ITGA9: variants seen among roughly 807,000 people sequenced by gnomAD.
The protein encoded by ITGA9 is integrin alpha-9.
ITGA9 carries 56 observed loss-of-function variants against 127.8 expected under a neutral mutation model. The observed-to-expected ratio is 0.44, with a 90% CI of 0.35 to 0.55. The LOEUF (loss-of-function observed/expected upper bound fraction) is 0.55. ITGA9 is among the 20% of genes least tolerant of loss of function. ITGA9 has a pLI of 0.00. For synonymous variants in ITGA9, 508 were observed against 514.5 expected (o/e 0.99, Z 0.17); for missense variants, 1,196 against 1,347.1 (o/e 0.89, Z 1.76).
At chr3:37,674,029 G>T (rs1351205503) in intron 17 of ITGA9, among the ~76,000 whole-genome samples, 1 of 152,174 alleles carries the variant, frequency 6.6e-6, no homozygotes. Flanking sequence ...TTTGTTTACA[G>T]ATTTCATGAA....
chr3:37,761,839 C>T (rs944334134), intron 23 of ITGA9, among the ~76,000 whole-genome samples: 2 of 152,188 alleles, frequency 1.3e-5, no homozygotes, highest in African/African-American at 4.8e-5. Flanking sequence ...AATGATAATT[C>T]ACCAGCACCA....
At chr3:37,633,722 C>T (rs751746250) in intron 16 of ITGA9, among the ~76,000 whole-genome samples, 1 of 152,162 alleles carries the variant, frequency 6.6e-6, no homozygotes, top group Non-Finnish European at 1.5e-5. Flanking sequence ...TATTAACACT[C>T]GTTGATGGCT....
At chr3:37,812,733 T>TA (rs145276262) in intron 27 of ITGA9, among the ~76,000 whole-genome samples, 3,664 of 152,384 alleles carry the variant, frequency 0.024, 98 homozygotes, top group South Asian at 0.082. Context: ...TCACCTCCTC[T>TA]AGGGTTTCTA....
chr3:37,797,765 G>T (rs982658142), intron 26 of ITGA9, among the ~76,000 whole-genome samples: 3 of 151,302 alleles, frequency 2.0e-5, no homozygotes, highest in African/African-American at 7.3e-5. Flanking sequence ...TCACTGTGTC[G>T]CTCAGGCTGG....
intron 15 of ITGA9, among the ~76,000 whole-genome samples, chr3:37,546,603 T>G (rs1699328948): frequency 6.6e-6 from 1 of 152,222 alleles, no homozygotes; most frequent in Non-Finnish European, 1.5e-5. Context: ...CACTGTCATC[T>G]TCCTGACTTC....
intron 17 of ITGA9, among the ~76,000 whole-genome samples, chr3:37,676,199 T>C (rs1477127372): frequency 6.6e-6 from 1 of 152,250 alleles, no homozygotes; most frequent in East Asian, 1.9e-4. Flanking sequence ...TTTAATGCAG[T>C]ATATCCCAAA....
At chr3:37,534,323 C>G (rs987039698) in intron 14 of ITGA9, among the ~76,000 whole-genome samples, 1 of 152,246 alleles carries the variant, frequency 6.6e-6, no homozygotes, top group East Asian at 1.9e-4. Flanking sequence ...TTTTGCTACT[C>G]ACAGTGTAGC....
At chr3:37,679,699 A>G (rs1700716981) in intron 17 of ITGA9, among the ~76,000 whole-genome samples, 1 of 152,328 alleles carries the variant, frequency 6.6e-6, no homozygotes, top group South Asian at 2.1e-4. Context: ...ACAATCAGGC[A>G]CGGGGTTTTT....
Position 37,732,765 on chromosome 3 carries a change from C to A in ITGA9, c.2121C>A (p.Ser707Arg). Residue 707 changes from serine (S) to arginine (R), a missense_variant, in exon 19 of 28, where the codon AGC (serine) becomes AGA (arginine). Transcript: ENST00000264741. Reference protein sequence around the residue: ...ELLESDFLKCSVGFPFMRSKS... With the variant: ...ELLESDFLKCRVGFPFMRSKS... ...TGGAATCGGACTTCCTCAAATGCAGCGTGGGATTTCCTTTCATGAGGTCAA... is the reference window on the plus strand; with the variant it reads ...TGGAATCGGACTTCCTCAAATGCAGAGTGGGATTTCCTTTCATGAGGTCAA... 1 of 1,611,414 alleles carries A rather than the reference C, an allele frequency of 6.2e-7. No individual in the cohort carries two copies. Among genetic ancestry groups the A allele is most frequent in the Non-Finnish European group, 8.5e-7 (1 of 1,179,328 alleles).
chr3:37,689,272 A>AT (rs1700809148), intron 18 of ITGA9, among the ~76,000 whole-genome samples: 1 of 152,152 alleles, frequency 6.6e-6, no homozygotes, highest in Non-Finnish European at 1.5e-5. Context: ...ATTCTGGATT[A>AT]TTTTTTCCTT....
At chr3:37,568,075 G>A (rs1575152804) in intron 15 of ITGA9, among the ~76,000 whole-genome samples, 1 of 152,232 alleles carries the variant, frequency 6.6e-6, no homozygotes, top group South Asian at 2.1e-4. Context: ...CCCCGTGAGG[G>A]CCCCACTCCT....
intron 18 of ITGA9, among the ~76,000 whole-genome samples, chr3:37,717,648 C>A (rs915768306): frequency 1.3e-5 from 2 of 152,118 alleles, no homozygotes; most frequent in Admixed American, 1.3e-4. Context: ...CACTCACTAT[C>A]ACAAGAACAA....
At chr3:37,489,902 A>G (rs1698650677) in intron 4 of ITGA9, among the ~76,000 whole-genome samples, 1 of 152,186 alleles carries the variant, frequency 6.6e-6, no homozygotes, top group Non-Finnish European at 1.5e-5. Context: ...GGATGGAGTA[A>G]TGGTGAGAGC....
In ITGA9 at chr3:37,750,533, TG is replaced by T; in HGVS notation, c.2507del (p.Gly836ValfsTer64). The T allele has an allele frequency of 6.2e-7, 1 of 1,613,674 alleles. No homozygotes were observed. The highest frequency in any genetic ancestry group is 2.2e-5 in the East Asian group (1 of 44,882). ...SISFPNRLSS[G>X]GAEMFHVQEM... ...TCTCTTTCCCTAATCGACTCTCATC[TG>T]GTGGTGCAGAGATGTTTCATGTCCA... is the stretch of plus-strand genomic sequence containing the variant. On this transcript the variant is annotated frameshift_variant, in exon 23 of 28. Transcript: ENST00000264741. LOFTEE classifies it high-confidence loss of function.
At chr3:37,722,563 A>G (rs1420052178) in intron 18 of ITGA9, among the ~76,000 whole-genome samples, 2 of 152,206 alleles carry the variant, frequency 1.3e-5, no homozygotes, top group Non-Finnish European at 2.9e-5. Flanking sequence ...AATCATTTAT[A>G]TGAAATGGAG....
rs61110928 is a variant in ITGA9 at position 37,793,393 on chromosome 3, C to CACAT, written c.2889+8318_2889+8319insTACA. Among the ~76,000 whole-genome samples the CACAT allele has an allele frequency of 6.7e-3, 381 of 56,980 alleles. 4 individuals are homozygous for CACAT. The highest frequency in any genetic ancestry group is 0.024 in the African/African-American group (332 of 14,024). The allele number at this position is 56,980 out of a possible 152,430, so 37.4% of individuals were successfully genotyped here. A position where few individuals can be genotyped will look rare whatever the true frequency, so the allele number is the denominator to read the frequency against. ...TTCCACAGCCCCAAACAGGTCAACA[C>CACAT]ACACACACACACACACACACACACA... is the stretch of plus-strand genomic sequence containing the variant. On this transcript the variant is annotated intron_variant, in intron 26 of 27. Transcript: ENST00000264741.
chr3:37,533,502 C>T (rs767191086), intron 14 of ITGA9, 34 bp downstream of exon 14: 95 of 1,608,916 alleles, frequency 5.9e-5, no homozygotes, highest in Middle Eastern at 1.6e-4. Flanking sequence ...TCAGGATACC[C>T]GTTTAGCTGG....
intron 7 of ITGA9, among the ~76,000 whole-genome samples, chr3:37,507,891 AGAACT>A (rs1469793263): frequency 2.0e-5 from 3 of 152,254 alleles, no homozygotes; most frequent in Non-Finnish European, 2.9e-5. Flanking sequence ...TCCAAAAAAA[AGAACT>A]TCCATAGTCA....
At chr3:37,812,925 G>T (rs1053940146) in intron 27 of ITGA9, among the ~76,000 whole-genome samples, 1 of 152,248 alleles carries the variant, frequency 6.6e-6, no homozygotes, top group African/African-American at 2.4e-5. Context: ...CACCTTCAGG[G>T]TGGGCTCAGC....
Sources: gnomAD v4.1 joint callset for allele counts (sites outside exome capture counted in the v4.1 genomes callset) on GRCh38, gnomAD v4.1.1 for gene constraint, MANE v1.5 for transcripts, NCBI Gene and HGNC (gene_info 2026-07-23, HGNC 2026-07-21) for gene names.